The following GRIN3B variants were observed in gnomAD, a reference collection of about 807,000 sequenced individuals.
GRIN3B encodes glutamate ionotropic receptor NMDA type subunit 3B, also known as glutamate receptor ionotropic, NMDA 3B.
In GRIN3B, 77 loss-of-function variants were observed where a neutral mutation model predicts 66.0. The ratio of observed to expected loss-of-function variants is 1.17; its 90% CI spans 0.97 to 1.41. The LOEUF is 1.41. Ranked by LOEUF, GRIN3B falls within the 40% of genes most tolerant of loss-of-function variation. GRIN3B has a pLI of 0.00. For missense variants in GRIN3B, 1,787 were observed against 1,564.5 expected (o/e 1.14, Z -2.40); for synonymous variants, 823 against 749.7 (o/e 1.10, Z -1.60).
chr19:1,003,421 TGTGACATCGCCC>T lies in GRIN3B; in HGVS notation c.722_733del (p.Asp241_Arg244del). ...GGTACCCGCGGCGGTCCTCCTCGGC[TGTGACATCGCCC>T]GTGCCCGTCGGGTGCTGGAGGCCGT... On this transcript the variant is annotated inframe_deletion, in exon 2 of 9. Transcript: ENST00000234389. 6.5e-7 allele frequency: 1 copy of T among 1,546,498 alleles called. No homozygotes were observed. The highest frequency in any genetic ancestry group is 8.7e-7 in the Non-Finnish European group (1 of 1,151,240).
At chr19:1,006,336 C>T (rs1568391585) in intron 3 of GRIN3B, among the ~76,000 whole-genome samples, 1 of 151,110 alleles carries the variant, frequency 6.6e-6, no homozygotes, top group Admixed American at 6.6e-5. Context: ...GTAGAGTTGG[C>T]GGGTTTCACC....
In GRIN3B at chr19:1,007,871, G is replaced by C. The variant is rs756309853; in HGVS notation, c.2214G>C (p.Lys738Asn). 6.2e-7 allele frequency: 1 copy of C among 1,609,200 alleles called. No homozygotes were observed. Among genetic ancestry groups the C allele is most frequent in the Non-Finnish European group, 8.5e-7 (1 of 1,177,386 alleles). The change falls in exon 5 of 9, where the codon AAG becomes AAC. Residue 738 changes from lysine (K) to asparagine (N), a missense_variant. By Grantham distance (94) the Lys-to-Asn change is moderately conservative. Coordinates refer to ENST00000234389, the MANE Select transcript of GRIN3B (RefSeq NM_138690.3). The surrounding 1 kb of genome is among the most constrained non-coding windows in gnomAD (Gnocchi z 4.4). ...GVAMLTSDPP[K>N]LNAFIMDKSL... ...GCCCCAGCAGGAGCGACCCCCCCAA[G>C]CTCAACGCCTTCATCATGGACAAGT...
Position 1,000,450 on chromosome 19 carries a change from C to A in GRIN3B, c.13C>A (p.Arg5=), listed in dbSNP as rs1205578923. Residue 5 remains arginine, a synonymous_variant, in exon 1 of 9, where the codon CGG becomes AGG. Coordinates refer to ENST00000234389, the MANE Select transcript of GRIN3B (RefSeq NM_138690.3). ...CGACAACTTTGCGATGGAGTTTGTG[C>A]GGGCGCTGTGGCTGGGCCTGGCGCT... MEFV[R]ALWLGLALAL... 4 of 1,210,488 alleles carry A rather than the reference C, an allele frequency of 3.3e-6. No homozygotes were observed. The South Asian group carries it at 1.2e-4, about 37-fold the overall frequency. The allele number at this position is 1,210,488 out of a possible 1,614,324, so 75.0% of individuals were successfully genotyped here. A position where few individuals can be genotyped will look rare whatever the true frequency, so the allele number is the denominator to read the frequency against.
rs11882634 is a variant in GRIN3B, at chr19:1,008,131, C to T, written c.2315-9C>T. The T allele has an allele frequency of 5.0e-6, 8 of 1,584,614 alleles. No homozygotes were observed. The highest frequency in any genetic ancestry group is 2.7e-5 in the African/African-American group (2 of 74,576). ...CACCTGGCCCCACCGCCTGGCCCCG[C>T]GCCCCCAGGCTATGGGATCGGACTG... is the stretch of plus-strand genomic sequence containing the variant. On this transcript the variant is annotated splice_polypyrimidine_tract_variant and intron_variant, in intron 5 of 8. Transcript: ENST00000234389.
At chr19:1,009,082 G>T in intron 8 of GRIN3B, 91 bp from the exon 9 acceptor site, 1 of 1,446,904 alleles carries the variant, frequency 6.9e-7, no homozygotes, top group Non-Finnish European at 9.1e-7. Flanking sequence ...TGTGCCTGTC[G>T]GCCATCCTCT....
rs1250211789 is a variant in GRIN3B at position 1,008,267 on chromosome 19, C to G, written c.2442C>G (p.Gly814=). ...HDKWYKMVPC[G]KRVFAVTETL... is the part of the protein sequence containing the mutation. ...AGTGGTACAAGATGGTGCCTTGCGG[C>G]AAGCGGGTCTTTGCGGTTACAGAGG... The change falls in exon 6 of 9, where the codon GGC becomes GGG. Residue 814 remains glycine (G), a synonymous_variant. Transcript: ENST00000234389. The G allele has an allele frequency of 2.5e-6, 4 of 1,580,766 alleles. No homozygotes were observed. The African/African-American group carries it at 5.9e-5, about 23-fold the overall frequency.
rs1363741345 is a variant in GRIN3B at position 1,008,311 on chromosome 19, AGAGG to A, written c.2466+22_2466+25del. 1.1e-5 allele frequency: 2 copies of A among 177,432 alleles called. No individual in the cohort carries two copies. The highest frequency in any genetic ancestry group is 2.4e-4 in the African/African-American group (2 of 8,350). The allele number at this position is 177,432 out of a possible 1,614,324, so 11.0% of individuals were successfully genotyped here. Reference sequence around the variant, plus strand: ...ACAGAGGTGGGGCAGGGCCTGGGACAGAGGGTGGGGGTGGGGGTGGGCGTGGGGG... The same window carrying A: ...ACAGAGGTGGGGCAGGGCCTGGGACAGTGGGGGTGGGGGTGGGCGTGGGGG... On this transcript the variant is annotated intron_variant, in intron 6 of 8. Coordinates refer to ENST00000234389, the MANE Select transcript of GRIN3B (RefSeq NM_138690.3).
rs765376546 is a variant in GRIN3B, at chr19:1,009,555, C to CGA, written c.3085_3086insGA (p.Pro1029ArgfsTer57). On this transcript the variant is annotated frameshift_variant, in exon 9 of 9. Transcript: ENST00000234389. LOFTEE classifies it low-confidence loss of function (END_TRUNC). Reference sequence around the variant, plus strand: ...GCGCTTGCTTCAGGCCAGAGCGGCCCCCGCGGAGGCCCCACCACACTCTGG... The same window carrying CGA: ...GCGCTTGCTTCAGGCCAGAGCGGCCCGACCGCGGAGGCCCCACCACACTCTGG... The CGA allele has an allele frequency of 2.2e-6, 2 of 896,682 alleles. No individual in the cohort carries two copies. Among genetic ancestry groups the CGA allele is most frequent in the Non-Finnish European group, 1.5e-6 (1 of 662,632 alleles). The allele number at this position is 896,682 out of a possible 1,614,324, so 55.5% of individuals were successfully genotyped here. A position where few individuals can be genotyped will look rare whatever the true frequency, so the allele number is the denominator to read the frequency against.
In GRIN3B at chr19:1,003,403, G is replaced by T. The variant is rs374598541; in HGVS notation, c.700G>T (p.Ala234Ser). The T allele has an allele frequency of 2.6e-6, 4 of 1,553,536 alleles. No individual in the cohort carries two copies. In the Admixed American group the frequency reaches 5.8e-5, roughly 22 times the overall value. ...AGTGGGGGGTGAAGCACCGGTACCC[G>T]CGGCGGTCCTCCTCGGCTGTGACAT... ...APVGGEAPVP[A>S]AVLLGCDIAR... Residue 234 changes from alanine (A) to serine (S), a missense_variant, in exon 2 of 9, where the codon GCG becomes TCG. Ala to Ser is a moderately conservative substitution (Grantham distance 99, BLOSUM62 1). Coordinates refer to ENST00000234389, the MANE Select transcript of GRIN3B (RefSeq NM_138690.3).
intron 1 of GRIN3B, chr19:1,002,897 A>C: frequency 7.3e-6 from 3 of 411,974 alleles, no homozygotes; most frequent in Non-Finnish European, 8.5e-6. Context: ...AAAAACACCA[A>C]GTGTGCCCAT....
Position 1,000,549 on chromosome 19 carries a change from C to A in GRIN3B, c.112C>A (p.Arg38Ser). The A allele has an allele frequency of 8.9e-7, 1 of 1,128,080 alleles. No homozygotes were observed. The highest frequency in any genetic ancestry group is 1.1e-6 in the Non-Finnish European group (1 of 922,130). The allele number at this position is 1,128,080 out of a possible 1,614,324, so 69.9% of individuals were successfully genotyped here. ...CCTGGCGCGCCTCGGGGGCTCCGTG[C>A]GCCTGGGCGCCCTCCTGCCCCGCGC... ...GVLARLGGSV[R>S]LGALLPRAPL... Residue 38 changes from arginine (R) to serine (S), a missense_variant, in exon 1 of 9, where the codon CGC (arginine) becomes AGC (serine). Physicochemically the swap from Arg to Ser is moderately radical, Grantham distance 110 (BLOSUM62 -1). Transcript: ENST00000234389.
Position 1,007,672 on chromosome 19 carries a change from G to T in GRIN3B, c.2097G>T (p.Glu699Asp). 6.5e-7 allele frequency: 1 copy of T among 1,534,516 alleles called. No individual in the cohort carries two copies. Reference sequence around the variant, plus strand: ...GCTTCCGCTTCGGCACCGTGTGGGAGAGCAGCGCCGAGGCGTACATCAAGA... The same window carrying T: ...GCTTCCGCTTCGGCACCGTGTGGGATAGCAGCGCCGAGGCGTACATCAAGA... ...AQGFRFGTVW[E>D]SSAEAYIKKS... The change falls in exon 4 of 9, where the codon GAG (glutamate) becomes GAT (aspartate). Residue 699 changes from glutamate to aspartate, a missense_variant. Physicochemically the swap from Glu to Asp is conservative, Grantham distance 45 (BLOSUM62 2). Transcript: ENST00000234389. This position sits in a 1 kb window ranked among gnomAD's most constrained non-coding sequence, Gnocchi z 4.4.
chr19:1,008,603 C>T lies in GRIN3B; in HGVS notation c.2467-15C>T. ...ATTACGTGACCGTGCGGGGCTCCTG[C>T]TGTGTTGCCCCCAGACCCTGCAGAT... On this transcript the variant is annotated splice_polypyrimidine_tract_variant and intron_variant, in intron 6 of 8. Coordinates refer to ENST00000234389, the MANE Select transcript of GRIN3B (RefSeq NM_138690.3). The T allele has an allele frequency of 6.3e-7, 1 of 1,593,244 alleles. No homozygotes were observed. The highest frequency in any genetic ancestry group is 8.5e-7 in the Non-Finnish European group (1 of 1,175,534).
rs762536803 is a variant in GRIN3B, at chr19:1,004,764, G to A, written c.1263G>A (p.Thr421=). ...AQVWPKLRVV[T]LLEHPFVFAR... ...TCTGGCCCAAGCTGCGTGTGGTAAC[G>A]CTGTTGGAACACCCATTTGTGTTTG... The change falls in exon 3 of 9, where the codon ACG becomes ACA. Residue 421 remains threonine (T), a synonymous_variant. Transcript: ENST00000234389. 51 of 1,612,116 alleles carry A rather than the reference G, an allele frequency of 3.2e-5. No homozygotes were observed. The highest frequency in any genetic ancestry group is 3.3e-4 in the Middle Eastern group (2 of 6,084).
At position 1,003,690 on chromosome 19, in the gene GRIN3B, C is replaced by G; in HGVS notation, c.987C>G (p.Ala329=). ...APVNCGDLQP[A]GPESPGRFLA... ...TCAACTGCGGGGACCTGCAGCCGGCCGGGCCCGAGTCCCCGGGGCGCTTCT... is the reference window on the plus strand; with the variant it reads ...TCAACTGCGGGGACCTGCAGCCGGCGGGGCCCGAGTCCCCGGGGCGCTTCT... Residue 329 remains alanine (A), a synonymous_variant, in exon 2 of 9, where the codon GCC becomes GCG. Transcript: ENST00000234389. 7.1e-7 allele frequency: 1 copy of G among 1,406,034 alleles called. No individual in the cohort carries two copies. Among genetic ancestry groups the G allele is most frequent in the Non-Finnish European group, 9.2e-7 (1 of 1,087,400 alleles). 87.1% of individuals were successfully genotyped at this position (1,406,034 alleles called of 1,614,324 possible).
At chr19:1,001,844 C>G (rs1042979116) in intron 1 of GRIN3B, among the ~76,000 whole-genome samples, 1 of 152,144 alleles carries the variant, frequency 6.6e-6, no homozygotes, top group Non-Finnish European at 1.5e-5. Context: ...CCTCTGCTGC[C>G]GTCTCCAGGA....
In GRIN3B at chr19:1,007,918, C is replaced by G. The variant is rs1183000741; in HGVS notation, c.2261C>G (p.Ser754Cys). ...AAGTCGCTCCTGGACTACGAGGTCT[C>G]CATCGACGCCGACTGCAAACTGCTG... ...MDKSLLDYEV[S>C]IDADCKLLTV... Residue 754 changes from serine (S) to cysteine (C), a missense_variant, in exon 5 of 9, where the codon TCC becomes TGC. Physicochemically the swap from Ser to Cys is moderately radical, Grantham distance 112. Coordinates refer to ENST00000234389, the MANE Select transcript of GRIN3B (RefSeq NM_138690.3). This position sits in a 1 kb window ranked among gnomAD's most constrained non-coding sequence, Gnocchi z 4.4. 6.2e-7 allele frequency: 1 copy of G among 1,612,088 alleles called. No individual in the cohort carries two copies. The highest frequency in any genetic ancestry group is 2.2e-5 in the East Asian group (1 of 44,870).
Position 1,007,612 on chromosome 19 carries a change from G to T in GRIN3B, c.2053-16G>T, listed in dbSNP as rs920076743. On this transcript the variant is annotated splice_polypyrimidine_tract_variant and intron_variant, in intron 3 of 8. Transcript: ENST00000234389. This position sits in a 1 kb window ranked among gnomAD's most constrained non-coding sequence, Gnocchi z 4.4. ...CTGAGGGGCAGGCAGAGGCGCTGAC[G>T]GGGTCCCCCGCGCAGCTGCACCACC... 1.0e-5 allele frequency: 15 copies of T among 1,481,036 alleles called. No homozygotes were observed. Among genetic ancestry groups the T allele is most frequent in the East Asian group, 5.5e-5 (2 of 36,654 alleles). The allele number at this position is 1,481,036 out of a possible 1,614,324, so 91.7% of individuals were successfully genotyped here. A position where few individuals can be genotyped will look rare whatever the true frequency, so the allele number is the denominator to read the frequency against.
chr19:1,003,636 G>A lies in GRIN3B; in HGVS notation c.933G>A (p.Gln311=). 1 of 1,420,660 alleles carries A rather than the reference G, an allele frequency of 7.0e-7. No individual in the cohort carries two copies. Among genetic ancestry groups the A allele is most frequent in the South Asian group, 1.5e-5 (1 of 67,320 alleles). 88.0% of individuals were successfully genotyped at this position (1,420,660 alleles called of 1,614,324 possible). ...CGCTGGGCAGTGCGGCCCAGGTGCA[G>A]CCGAAGCGAGCCCTCCTCCCCGCCC... The part of the protein sequence containing the change: ...ARALGSAAQV[Q]PKRALLPAPV... Residue 311 remains glutamine (Q), a synonymous_variant, in exon 2 of 9, where the codon CAG becomes CAA. Transcript: ENST00000234389.
Sources: allele counts gnomAD v4.1 joint callset (sites outside exome capture counted in the v4.1 genomes callset), GRCh38; gene constraint gnomAD v4.1.1; non-coding constraint Gnocchi (gnomAD v3.1); transcripts MANE v1.5; gene names NCBI Gene and HGNC (gene_info 2026-07-23, HGNC 2026-07-21).